SRL: variants seen among roughly 807,000 people sequenced by gnomAD.
SRL encodes the protein sarcalumenin.
A neutral mutation model predicts 39.5 loss-of-function variants in SRL; 23 were observed. The ratio of observed to expected loss-of-function variants is 0.58; its 90% confidence interval spans 0.42 to 0.82. SRL has a LOEUF of 0.82. SRL is among the 40% of genes least tolerant of loss of function. The pLI, the probability that SRL is intolerant of heterozygous loss-of-function variation, is 0.00. For missense variants in SRL, 592 were observed against 607.8 expected (o/e 0.97, Z 0.27); for synonymous variants, 272 against 237.4 (o/e 1.15, Z -1.34).
At chr16:4,226,356 G>A (rs762296119) in intron 1 of SRL, among the ~76,000 whole-genome samples, 1 of 151,960 alleles carries the variant, frequency 6.6e-6, no homozygotes, top group Non-Finnish European at 1.5e-5. Context: ...ATGGATGGAT[G>A]GGTAGATGGA....
In SRL at chr16:4,192,700, G is replaced by A. The variant is rs768035175; in HGVS notation, c.875C>T (p.Ser292Phe). ...CGGCTTATACTCTTGTGGCCAGAAGGAGCTGACGTAAACCCTTGGGGGCTC... is the reference window on the plus strand; with the variant it reads ...CGGCTTATACTCTTGTGGCCAGAAGAAGCTGACGTAAACCCTTGGGGGCTC... ...VTEPPRVYVS[S>F]FWPQEYKPDT... The change falls in exon 6 of 6, where the codon TCC (serine) becomes TTC (phenylalanine). Residue 292 changes from serine to phenylalanine, a missense_variant. Coordinates refer to ENST00000399609, the MANE Select transcript of SRL (RefSeq NM_001098814.2). This position sits in a 1 kb window ranked among gnomAD's most constrained non-coding sequence, Gnocchi z 4.0. 2 of 1,614,148 alleles carry A rather than the reference G, an allele frequency of 1.2e-6. No homozygotes were observed. Among genetic ancestry groups the A allele is most frequent in the Non-Finnish European group, 1.7e-6 (2 of 1,180,024 alleles).
intron 1 of SRL, among the ~76,000 whole-genome samples, chr16:4,216,682 C>G (rs1161640524): frequency 6.6e-6 from 1 of 152,174 alleles, no homozygotes; most frequent in Non-Finnish European, 1.5e-5. Flanking sequence ...CTCAGTTTTT[C>G]CAGAGATCAG....
intron 3 of SRL, among the ~76,000 whole-genome samples, chr16:4,202,596 A>AAC (rs1438460551): frequency 1.3e-5 from 2 of 152,010 alleles, no homozygotes; most frequent in Non-Finnish European, 2.9e-5. Context: ...CCATCTCAAA[A>AAC]AAAAAAAAGC....
chr16:4,222,076 C>T (rs1204445933), intron 1 of SRL, among the ~76,000 whole-genome samples: 1 of 152,168 alleles, frequency 6.6e-6, no homozygotes. Flanking sequence ...GGATGCAATC[C>T]AACCCATAAC....
intron 1 of SRL, among the ~76,000 whole-genome samples, chr16:4,239,955 G>A (rs570675052): frequency 6.6e-4 from 101 of 152,300 alleles, no homozygotes; most frequent in African/African-American, 2.4e-3. Flanking sequence ...GCCCCACCTG[G>A]CTGCTCCTTC....
intron 1 of SRL, among the ~76,000 whole-genome samples, chr16:4,205,335 T>C (rs1181955200): frequency 2.0e-5 from 3 of 151,938 alleles, no homozygotes; most frequent in East Asian, 3.9e-4. Flanking sequence ...ACATCAAACA[T>C]CTCAGGAGGC....
intron 3 of SRL, among the ~76,000 whole-genome samples, chr16:4,201,048 G>C (rs560494877): frequency 7.9e-5 from 12 of 152,026 alleles, no homozygotes; most frequent in African/African-American, 1.9e-4. Flanking sequence ...CTGTTATTGT[G>C]AGTACAAATT....
chr16:4,231,500 G>C (rs1294405268), intron 1 of SRL, among the ~76,000 whole-genome samples: 1 of 152,034 alleles, frequency 6.6e-6, no homozygotes, highest in African/African-American at 2.4e-5. Flanking sequence ...CACCATCCTG[G>C]GGCCCACATG....
intron 1 of SRL, among the ~76,000 whole-genome samples, chr16:4,209,454 G>A (rs1015996019): frequency 1.3e-5 from 2 of 152,114 alleles, no homozygotes; most frequent in African/African-American, 2.4e-5. Flanking sequence ...GCCCCTCTCC[G>A]AGGAAGAGTA....
At position 4,192,129 on chromosome 16, in the gene SRL, G is replaced by A. The variant is rs1436579880; in HGVS notation, c.*24C>T. 6.5e-7 allele frequency: 1 copy of A among 1,527,780 alleles called. No homozygotes were observed. The highest frequency in any genetic ancestry group is 8.8e-7 in the Non-Finnish European group (1 of 1,141,780). The allele number at this position is 1,527,780 out of a possible 1,614,324, so 94.6% of individuals were successfully genotyped here. On this transcript the variant is annotated 3_prime_UTR_variant, in exon 6 of 6. Transcript: ENST00000399609. The surrounding 1 kb of genome is among the most constrained non-coding windows in gnomAD (Gnocchi z 4.0). Reference sequence around the variant, plus strand: ...TAGGACACAAGCTGATTCACCAACAGGAACCCAAGGACCGCTCCACCACCT... The same window carrying A: ...TAGGACACAAGCTGATTCACCAACAAGAACCCAAGGACCGCTCCACCACCT...
chr16:4,231,369 C>T (rs568784526), intron 1 of SRL, among the ~76,000 whole-genome samples: 14 of 152,224 alleles, frequency 9.2e-5, no homozygotes, highest in African/African-American at 2.4e-4. Flanking sequence ...AAGTTGTTAC[C>T]GTGGTCCCAG....
At chr16:4,221,283 G>A (rs532118918) in intron 1 of SRL, among the ~76,000 whole-genome samples, 2 of 152,220 alleles carry the variant, frequency 1.3e-5, no homozygotes, top group East Asian at 1.9e-4. Flanking sequence ...TCCTGACCTC[G>A]TGATCTGCCT....
At chr16:4,228,372 G>T (rs1006074019) in intron 1 of SRL, among the ~76,000 whole-genome samples, 4 of 152,060 alleles carry the variant, frequency 2.6e-5, no homozygotes, top group Admixed American at 6.5e-5. Flanking sequence ...GGAGGTGGAG[G>T]TTGCAGTGAG....
At chr16:4,225,311 G>C (rs1398830008) in intron 1 of SRL, among the ~76,000 whole-genome samples, 1 of 152,168 alleles carries the variant, frequency 6.6e-6, no homozygotes, top group African/African-American at 2.4e-5. Flanking sequence ...AGCCGGGTGT[G>C]GTGGCTCACC....
chr16:4,191,002 C>G lies in SRL; in HGVS notation c.*1151G>C, dbSNP rs2141242768. The G allele has an allele frequency of 6.5e-6, 1 of 152,984 alleles. No homozygotes were observed. The highest frequency in any genetic ancestry group is 2.1e-4 in the South Asian group (1 of 4,826). The allele number at this position is 152,984 out of a possible 1,614,324, so 9.5% of individuals were successfully genotyped here. On this transcript the variant is annotated 3_prime_UTR_variant, in exon 6 of 6. Coordinates refer to ENST00000399609, the MANE Select transcript of SRL (RefSeq NM_001098814.2). ...CCACTGTCCTCTCTGAAACCCAGCG[C>G]CTTTGGGATCTGAGTTTTCCAAGAC...
chr16:4,213,187 G>A (rs564078569), intron 1 of SRL, among the ~76,000 whole-genome samples: 2 of 152,186 alleles, frequency 1.3e-5, no homozygotes, highest in South Asian at 4.2e-4. Flanking sequence ...TCAAACAGCA[G>A]AGACAGCCAC....
intron 1 of SRL, among the ~76,000 whole-genome samples, chr16:4,232,939 C>G (rs1342268000): frequency 6.6e-6 from 1 of 152,212 alleles, no homozygotes; most frequent in African/African-American, 2.4e-5. Context: ...CTCCCAAACC[C>G]CGGGACTCTC....
At chr16:4,233,749 T>A (rs1281317308) in intron 1 of SRL, among the ~76,000 whole-genome samples, 1 of 152,160 alleles carries the variant, frequency 6.6e-6, no homozygotes, top group Non-Finnish European at 1.5e-5. Flanking sequence ...CACCTCTCCC[T>A]GCTCTCATCA....
intron 1 of SRL, among the ~76,000 whole-genome samples, chr16:4,230,958 G>A (rs768063520): frequency 1.4e-4 from 22 of 152,304 alleles, no homozygotes; most frequent in Admixed American, 7.2e-4. Context: ...ACCTTTCAAA[G>A]GGAATGTGGC....
Sources: gnomAD v4.1 joint callset for allele counts (sites outside exome capture counted in the v4.1 genomes callset) on GRCh38, gnomAD v4.1.1 for gene constraint, Gnocchi (gnomAD v3.1) non-coding constraint, MANE v1.5 for transcripts, NCBI Gene and HGNC (gene_info 2026-07-23, HGNC 2026-07-21) for gene names.